EXOC2: variants seen among roughly 807,000 people sequenced by gnomAD.
EXOC2 encodes SEC5-like 1.
EXOC2 carries 70 observed loss-of-function variants against 131.8 expected under a neutral mutation model. The observed-to-expected ratio is 0.53, with a 90% confidence interval of 0.44 to 0.65. The LOEUF is 0.65. EXOC2 is among the 30% of genes least tolerant of loss of function. EXOC2 has a pLI of 0.00. For missense variants in EXOC2, 923 were observed against 1,108.6 expected (o/e 0.83, Z 2.38); for synonymous variants, 411 against 398.4 (o/e 1.03, Z -0.38).
intron 17 of EXOC2, among the ~76,000 whole-genome samples, chr6:557,731 T>C (rs894291657): frequency 1.3e-5 from 2 of 151,538 alleles, no homozygotes; most frequent in Admixed American, 1.3e-4. Flanking sequence ...ACATTGATGC[T>C]GAGACGGGAA....
At chr6:666,023 G>C (rs923703912) in intron 1 of EXOC2, among the ~76,000 whole-genome samples, 7 of 152,208 alleles carry the variant, frequency 4.6e-5, no homozygotes, top group Non-Finnish European at 8.8e-5. Flanking sequence ...TCAGAACACA[G>C]CCACATTCAT....
intron 12 of EXOC2, among the ~76,000 whole-genome samples, chr6:573,411 C>CACCT (rs1758396807): frequency 1.3e-5 from 2 of 152,104 alleles, no homozygotes; most frequent in African/African-American, 4.8e-5. Context: ...ACCTGCCTCC[C>CACCT]GCCCCGCACT....
intron 23 of EXOC2, among the ~76,000 whole-genome samples, chr6:505,341 G>C (rs1315636666): frequency 1.3e-5 from 2 of 152,306 alleles, no homozygotes; most frequent in East Asian, 3.9e-4. Flanking sequence ...GGAAGACTTT[G>C]CTTCTGTGGC....
At position 568,584 on chromosome 6, in the gene EXOC2, T is replaced by C. The variant is rs147929385; in HGVS notation, c.1444-3655A>G. ...AGGCATACACATCCTATTGGTTCTA[T>C]TGCCCTGGAGCACCCTGATTCGTGG... On this transcript the variant is annotated intron_variant, in intron 13 of 27. Transcript: ENST00000230449. Among the ~76,000 whole-genome samples the C allele has an allele frequency of 6.6e-5, 10 of 152,288 alleles. No individual in the cohort carries two copies. The East Asian group carries it at 9.7e-4, about 15-fold the overall frequency.
intron 21 of EXOC2, among the ~76,000 whole-genome samples, chr6:552,096 C>T (rs1757175158): frequency 6.6e-6 from 1 of 152,230 alleles, no homozygotes. Flanking sequence ...CATGACCTCC[C>T]AGGCACCGAT....
intron 22 of EXOC2, among the ~76,000 whole-genome samples, chr6:540,697 C>T (rs1766764230): frequency 6.6e-6 from 1 of 151,938 alleles, no homozygotes; most frequent in Non-Finnish European, 1.5e-5. Flanking sequence ...CTAACATACA[C>T]CCAATAGGAG....
At chr6:575,237 C>A (rs966301985) in intron 12 of EXOC2, among the ~76,000 whole-genome samples, 8 of 152,130 alleles carry the variant, frequency 5.3e-5, no homozygotes, top group African/African-American at 1.9e-4. Context: ...AATGGAACAC[C>A]ATTTACATTT....
At chr6:606,965 C>G (rs1417393498) in intron 7 of EXOC2, among the ~76,000 whole-genome samples, 1 of 152,180 alleles carries the variant, frequency 6.6e-6, no homozygotes, top group Non-Finnish European at 1.5e-5. Context: ...AAGGAGGTAG[C>G]ACAACTGCAC....
At position 523,104 on chromosome 6, in the gene EXOC2, C is replaced by T. The variant is rs73719468; in HGVS notation, c.2380+9365G>A. Among the ~76,000 whole-genome samples the T allele has an allele frequency of 2.8e-3, 428 of 152,288 alleles. 3 individuals carry two copies. The highest frequency in any genetic ancestry group is 9.8e-3 in the African/African-American group (406 of 41,554). On this transcript the variant is annotated intron_variant, in intron 23 of 27. Transcript: ENST00000230449. ...AAAAATCTGTTCTGACAGGTAACAT[C>T]TGAAAATCTAAATCTGATAGGTAAG...
intron 4 of EXOC2, among the ~76,000 whole-genome samples, chr6:626,584 C>A (rs1363632301): frequency 6.6e-6 from 1 of 152,012 alleles, no homozygotes; most frequent in Non-Finnish European, 1.5e-5. Context: ...ACAGCACTCA[C>A]AAATTCTTCA....
intron 1 of EXOC2, among the ~76,000 whole-genome samples, chr6:658,645 T>TTATATATATATATATTTTATATATATATA: frequency 8.5e-6 from 1 of 118,342 alleles, no homozygotes; most frequent in South Asian, 3.1e-4. Context: ...TATATATATT[T>TTATATATATATATATTTTATATATATATA]TATATATATA....
intron 23 of EXOC2, among the ~76,000 whole-genome samples, chr6:507,319 AAAG>A (rs1335760407): frequency 1.1e-3 from 69 of 64,188 alleles, no homozygotes; most frequent in African/African-American, 3.0e-3. Flanking sequence ...ACACACACAC[AAAG>A]AAGTGACCCC....
intron 1 of EXOC2, among the ~76,000 whole-genome samples, chr6:681,534 AC>A (rs1329456195): frequency 2.0e-5 from 3 of 152,210 alleles, no homozygotes; most frequent in African/African-American, 7.2e-5. Flanking sequence ...TTAAAATATT[AC>A]TAAGATATTT....
intron 7 of EXOC2, among the ~76,000 whole-genome samples, chr6:602,366 G>A (rs1425804586): frequency 1.1e-3 from 13 of 11,420 alleles, no homozygotes; most frequent in African/African-American, 5.9e-3. Flanking sequence ...CCCCGTGTGC[G>A]AATCCACACA....
chr6:549,160 C>T lies in EXOC2; in HGVS notation c.2238+15G>A. The T allele has an allele frequency of 6.2e-7, 1 of 1,604,208 alleles. No individual in the cohort carries two copies. The highest frequency in any genetic ancestry group is 8.5e-7 in the Non-Finnish European group (1 of 1,171,062). ...TAAAACCACCGACTTGTGCGTTTTA[C>T]ATGAACTCGCTTACCTGTGTGATTT... On this transcript the variant is annotated intron_variant, in intron 22 of 27. Coordinates refer to ENST00000230449, the MANE Select transcript of EXOC2 (RefSeq NM_018303.6).
chr6:600,457 A>G (rs1387229294), intron 7 of EXOC2, among the ~76,000 whole-genome samples: 1 of 152,216 alleles, frequency 6.6e-6, no homozygotes, highest in Non-Finnish European at 1.5e-5. Flanking sequence ...AAAAATATAA[A>G]TTTCAAGAAT....
At chr6:576,735 G>A in intron 12 of EXOC2, 22 bp downstream of exon 12, 1 of 1,609,974 alleles carries the variant, frequency 6.2e-7, no homozygotes, top group Non-Finnish European at 8.5e-7. Flanking sequence ...AAGACCCAGT[G>A]GCAGTGGAGG....
chr6:539,917 A>G (rs957103252), intron 22 of EXOC2, among the ~76,000 whole-genome samples: 3 of 152,216 alleles, frequency 2.0e-5, no homozygotes, highest in Non-Finnish European at 2.9e-5. Flanking sequence ...CTGAACCACA[A>G]CTTGTCAAAT....
chr6:658,570 C>A (rs1763244140), intron 1 of EXOC2, among the ~76,000 whole-genome samples: 1 of 148,086 alleles, frequency 6.8e-6, no homozygotes, highest in Admixed American at 6.8e-5. Flanking sequence ...GTGTTCAACA[C>A]AAATTTTTAA....
Sources: gnomAD v4.1 joint callset for allele counts (sites outside exome capture counted in the v4.1 genomes callset) on GRCh38, gnomAD v4.1.1 for gene constraint, MANE v1.5 for transcripts, NCBI Gene and HGNC (gene_info 2026-07-23, HGNC 2026-07-21) for gene names.